SS18L2: variants seen among roughly 807,000 people sequenced by gnomAD.
SS18L2 encodes the protein SS18-like protein 2.
Under a neutral mutation model 10.3 loss-of-function variants are expected in SS18L2, and 8 were observed. The ratio of observed to expected loss-of-function variants is 0.78; its 90% CI spans 0.46 to 1.41. SS18L2 has a LOEUF of 1.41. SS18L2 is among the 40% of genes most tolerant of loss of function. The probability of loss-of-function intolerance (pLI) is 0.00; values close to 1 mark genes in which losing one functional copy is unlikely to be tolerated. For synonymous variants in SS18L2, 41 were observed against 34.6 expected, an observed-to-expected ratio of 1.19 and a Z score of -0.65; for missense variants, 100 against 96.2, an observed-to-expected ratio of 1.04 and a Z score of -0.17.
chr3:42,587,760 A>G (rs1388424327), upstream of SS18L2, among the ~76,000 whole-genome samples: 2 of 149,608 alleles, frequency 1.3e-5, no homozygotes, highest in African/African-American at 2.5e-5. Flanking sequence ...TCAAATCCTT[A>G]TATAAACCTC....
At chr3:42,585,947 C>G (rs148692279), upstream of SS18L2, among the ~76,000 whole-genome samples, 3 of 152,098 alleles carry the variant, frequency 2.0e-5, no homozygotes, top group Non-Finnish European at 4.4e-5. Context: ...TCAACCCCCC[C>G]TCCCCCGCTT....
rs547588815 is a variant in SS18L2 at position 42,596,222 on chromosome 3, A to C, written c.*1713A>C. Among the ~76,000 whole-genome samples the C allele has an allele frequency of 6.6e-6, 1 of 152,026 alleles. No individual in the cohort carries two copies. Among genetic ancestry groups the C allele is most frequent in the South Asian group, 2.1e-4 (1 of 4,822 alleles). On this transcript the variant is annotated 3_prime_UTR_variant, in exon 3 of 3. Coordinates refer to ENST00000011691, the MANE Select transcript of SS18L2 (RefSeq NM_001370300.1). ...TTTTTAGTAGAGACGGGGTTTCTCCATGTTGGTCAGGCTGGTCTCGTACTC... is the reference window on the plus strand; with the variant it reads ...TTTTTAGTAGAGACGGGGTTTCTCCCTGTTGGTCAGGCTGGTCTCGTACTC...
Position 42,596,392 on chromosome 3 carries a change from C to A in SS18L2, c.*1883C>A, listed in dbSNP as rs1705030821. 6.6e-6 allele frequency among the ~76,000 whole-genome samples: 1 copy of A among 152,184 alleles called. No homozygotes were observed. The highest frequency in any genetic ancestry group is 1.5e-5 in the Non-Finnish European group (1 of 68,028). On this transcript the variant is annotated 3_prime_UTR_variant, in exon 3 of 3. Transcript: ENST00000011691. ...AGCATTCCTGATGGTTTTCCAGAGT[C>A]CTATCCCCTGAAGTTCTAATTGCTG...
At chr3:42,583,942 G>A (rs557037539) in intron 1 of SS18L2, among the ~76,000 whole-genome samples, 1 of 152,198 alleles carries the variant, frequency 6.6e-6, no homozygotes, top group African/African-American at 2.4e-5. Flanking sequence ...TTGGGCCTTG[G>A]ACTGGGAGAT....
chr3:42,591,272 C>A (rs1303617672), intron 1 of SS18L2: 1 of 565,110 alleles, frequency 1.8e-6, no homozygotes, highest in Non-Finnish European at 3.1e-6. Flanking sequence ...CATCTTGGCT[C>A]ACTGAAACCA....
rs1025093379 is a variant in SS18L2, at chr3:42,596,264, C to T, written c.*1755C>T. Among the ~76,000 whole-genome samples, 15 of 152,188 alleles carry T rather than the reference C, an allele frequency of 9.9e-5. No individual in the cohort carries two copies. Among genetic ancestry groups the T allele is most frequent in the African/African-American group, 3.6e-4 (15 of 41,448 alleles). Reference sequence around the variant, plus strand: ...CTCGTACTCACGACCTCAGGTGATCCACCTGCCTCAGCCTCCTAGAGTGCT... The same window carrying T: ...CTCGTACTCACGACCTCAGGTGATCTACCTGCCTCAGCCTCCTAGAGTGCT... On this transcript the variant is annotated 3_prime_UTR_variant, in exon 3 of 3. Transcript: ENST00000011691.
At position 42,590,945 on chromosome 3, in the gene SS18L2, C is replaced by T; in HGVS notation, c.48C>T (p.Val16=). The T allele has an allele frequency of 8.5e-7, 1 of 1,178,870 alleles. No homozygotes were observed. 73.0% of individuals were successfully genotyped at this position (1,178,870 alleles called of 1,614,324 possible). Residue 16 remains valine, a synonymous_variant, in exon 1 of 3, where the codon GTC becomes GTT. Coordinates refer to ENST00000011691, the MANE Select transcript of SS18L2 (RefSeq NM_001370300.1). ...VPDWLRGKAE[V]NQETIQRLLE... ...ACTGGCTGAGGGGCAAGGCGGAAGT[C>T]AATCAAGAGACTATCCAGCGGGTGA...
chr3:42,591,607 T>G lies in SS18L2; in HGVS notation c.146+6T>G, dbSNP rs1704847933. Reference sequence around the variant, plus strand: ...CGCGGGAACGAGTGCGTGCAGTAAGTACCCCCACCCCCGCGCCCCTGACCT... The same window carrying G: ...CGCGGGAACGAGTGCGTGCAGTAAGGACCCCCACCCCCGCGCCCCTGACCT... On this transcript the variant is annotated splice_donor_region_variant and intron_variant, in intron 2 of 2. Transcript: ENST00000011691. 6.2e-7 allele frequency: 1 copy of G among 1,606,772 alleles called. No homozygotes were observed. Among genetic ancestry groups the G allele is most frequent in the Admixed American group, 1.7e-5 (1 of 60,002 alleles).
At chr3:42,583,926 C>T (rs1339390687) in intron 1 of SS18L2, among the ~76,000 whole-genome samples, 1 of 152,182 alleles carries the variant, frequency 6.6e-6, no homozygotes, top group South Asian at 2.1e-4. Flanking sequence ...CCCAGGTTCT[C>T]CCGGCTTGGG....
chr3:42,585,239 C>G (rs1469564242), intron 1 of SS18L2, among the ~76,000 whole-genome samples: 1 of 152,206 alleles, frequency 6.6e-6, no homozygotes, highest in Non-Finnish European at 1.5e-5. Context: ...CTGACTGGTG[C>G]AACTGGTGTG....
intron 1 of SS18L2, 181 bp downstream of exon 1, chr3:42,591,147 A>G: frequency 3.0e-6 from 2 of 668,850 alleles, no homozygotes; most frequent in South Asian, 3.5e-5. Context: ...GGACCCCGGC[A>G]TGGGGTTCGG....
intron 1 of SS18L2, chr3:42,582,459 A>C (rs1704449478): frequency 1.3e-5 from 2 of 152,406 alleles, no homozygotes; most frequent in South Asian, 2.1e-4. Flanking sequence ...ACACACCCCA[A>C]GCTGGGGACC....
chr3:42,593,111 T>C lies in SS18L2; in HGVS notation c.147-1311T>C, dbSNP rs529886890. Among the ~76,000 whole-genome samples the C allele has an allele frequency of 1.5e-3, 222 of 152,274 alleles. 1 individual carries two copies. Among genetic ancestry groups the C allele is most frequent in the Non-Finnish European group, 1.8e-3 (125 of 68,022 alleles). On this transcript the variant is annotated intron_variant, in intron 2 of 2. Transcript: ENST00000011691. Reference sequence around the variant, plus strand: ...TATTATAAGTAATCTAGAGATTATTTAAACTGTGAGCCAGGTGTGGTGGCT... The same window carrying C: ...TATTATAAGTAATCTAGAGATTATTCAAACTGTGAGCCAGGTGTGGTGGCT...
upstream of SS18L2, among the ~76,000 whole-genome samples, chr3:42,590,309 G>T (rs906405370): frequency 1.3e-5 from 2 of 152,196 alleles, no homozygotes; most frequent in African/African-American, 2.4e-5. Context: ...CTGAAGCCAT[G>T]TATCTGGGTG....
upstream of SS18L2, among the ~76,000 whole-genome samples, chr3:42,589,578 G>A (rs941501585): frequency 2.6e-5 from 4 of 152,230 alleles, no homozygotes; most frequent in Non-Finnish European, 4.4e-5. Context: ...CATTACCGCC[G>A]AGCATTCTGC....
upstream of SS18L2, among the ~76,000 whole-genome samples, chr3:42,586,021 A>G (rs1704599946): frequency 6.6e-6 from 1 of 151,974 alleles, no homozygotes; most frequent in Non-Finnish European, 1.5e-5. Context: ...CCTTAGCTCC[A>G]GACAACTCCT....
upstream of SS18L2, among the ~76,000 whole-genome samples, chr3:42,589,423 G>T (rs1019578777): frequency 6.6e-6 from 1 of 152,136 alleles, no homozygotes; most frequent in Admixed American, 6.5e-5. Flanking sequence ...CCCTTTTTAG[G>T]AGTGTAGGTT....
upstream of SS18L2, chr3:42,590,798 C>T: frequency 5.6e-6 from 7 of 1,252,930 alleles, no homozygotes; most frequent in East Asian, 9.3e-5. Context: ...CTTCTGTACC[C>T]CGCCCTGTAG....
At chr3:42,592,338 T>TAC (rs1704880039) in intron 2 of SS18L2, among the ~76,000 whole-genome samples, 2 of 152,156 alleles carry the variant, frequency 1.3e-5, no homozygotes, top group Non-Finnish European at 2.9e-5. Context: ...TAGCTGGGAC[T>TAC]ACAGGCGTGT....
Sources: gnomAD v4.1 joint callset for allele counts (sites outside exome capture counted in the v4.1 genomes callset) on GRCh38, gnomAD v4.1.1 for gene constraint, MANE v1.5 for transcripts, NCBI Gene and HGNC (gene_info 2026-07-23, HGNC 2026-07-21) for gene names.